Variants in GRIK4 observed in about 807,000 individuals in gnomAD.
GRIK4 encodes glutamate receptor ionotropic, kainate 4.
Under a neutral mutation model 104.9 loss-of-function variants are expected in GRIK4, and 40 were observed. That is an observed-to-expected ratio of 0.38 (90% CI 0.30 to 0.50). GRIK4 has a LOEUF of 0.50. GRIK4 is among the 20% of genes least tolerant of loss of function. The pLI is 0.93. For missense variants in GRIK4, 1,047 were observed against 1,308.1 expected (o/e 0.80, Z 3.08); for synonymous variants, 485 against 524.9 (o/e 0.92, Z 1.04).
intron 1 of GRIK4, among the ~76,000 whole-genome samples, chr11:120,647,754 C>A (rs1370066050): frequency 6.6e-6 from 1 of 152,246 alleles, no homozygotes; most frequent in African/African-American, 2.4e-5. Context: ...ACAGAGGCCA[C>A]CCTGACTTAT....
intron 3 of GRIK4, among the ~76,000 whole-genome samples, chr11:120,764,389 CTT>C (rs1951797514): frequency 6.6e-6 from 1 of 152,276 alleles, no homozygotes; most frequent in Admixed American, 6.5e-5. Context: ...GGTCTTGACT[CTT>C]TATCCAATTT....
intron 16 of GRIK4, 78 bp downstream of exon 16, chr11:120,957,031 C>A: frequency 1.6e-6 from 2 of 1,217,360 alleles, no homozygotes; most frequent in Non-Finnish European, 2.2e-6. Flanking sequence ...CCGGCTCTAG[C>A]TTCTAGAGCC....
intron 3 of GRIK4, among the ~76,000 whole-genome samples, chr11:120,710,813 A>G (rs1355900402): frequency 6.6e-6 from 1 of 152,156 alleles, no homozygotes; most frequent in African/African-American, 2.4e-5. Flanking sequence ...AATGTTAATG[A>G]TTTGTATTAT....
chr11:120,804,472 T>TG (rs1952677473), intron 4 of GRIK4, among the ~76,000 whole-genome samples: 1 of 152,208 alleles, frequency 6.6e-6, no homozygotes, highest in Non-Finnish European at 1.5e-5. Context: ...GCTTCCTTCT[T>TG]GCTCCTGTGG....
intron 3 of GRIK4, among the ~76,000 whole-genome samples, chr11:120,671,614 G>A (rs1180716441): frequency 1.3e-5 from 2 of 152,164 alleles, no homozygotes; most frequent in African/African-American, 2.4e-5. Context: ...GTTCCTTGTA[G>A]ATTCTGGATA....
At chr11:120,531,723 A>G (rs1262512459) in intron 1 of GRIK4, among the ~76,000 whole-genome samples, 3 of 152,090 alleles carry the variant, frequency 2.0e-5, no homozygotes, top group Admixed American at 2.0e-4. Context: ...CTACAGGTGC[A>G]TGTCACCATG....
At chr11:120,681,457 C>T (rs1421612466) in intron 3 of GRIK4, among the ~76,000 whole-genome samples, 1 of 152,200 alleles carries the variant, frequency 6.6e-6, no homozygotes, top group African/African-American at 2.4e-5. Flanking sequence ...AGCCTCCCTC[C>T]TGTCCTTCTC....
chr11:120,745,679 C>G (rs1030913786), intron 3 of GRIK4, among the ~76,000 whole-genome samples: 2 of 152,152 alleles, frequency 1.3e-5, no homozygotes, highest in Admixed American at 6.6e-5. Flanking sequence ...CAACGTTTGT[C>G]CTCTAGGTCG....
At chr11:120,879,591 G>A (rs1021281877) in intron 11 of GRIK4, among the ~76,000 whole-genome samples, 7 of 152,088 alleles carry the variant, frequency 4.6e-5, no homozygotes, top group Non-Finnish European at 7.4e-5. Flanking sequence ...GATTCTGTTC[G>A]GAGAGGGTTT....
chr11:120,923,309 G>A (rs1943263129), intron 13 of GRIK4, among the ~76,000 whole-genome samples: 1 of 152,080 alleles, frequency 6.6e-6, no homozygotes, highest in Non-Finnish European at 1.5e-5. Context: ...ACAAAGGATG[G>A]AGACAAGATG....
chr11:120,796,099 A>G lies in GRIK4; in HGVS notation c.83-6594A>G, dbSNP rs1371994207. Among the ~76,000 whole-genome samples the G allele has an allele frequency of 1.2e-4, 17 of 147,504 alleles. No individual in the cohort carries two copies. The East Asian group carries it at 1.8e-3, about 15-fold the overall frequency. On this transcript the variant is annotated intron_variant, in intron 3 of 20. Transcript: ENST00000527524. ...TGCCAAGGCCGGAGTGCAGTGGCGC[A>G]ATCTCAGCTCACTGCAGGCTCTGCC...
At chr11:120,637,050 G>A (rs1423153505) in intron 1 of GRIK4, among the ~76,000 whole-genome samples, 5 of 152,116 alleles carry the variant, frequency 3.3e-5, no homozygotes, top group Admixed American at 3.3e-4. Context: ...CTCCCCAGAC[G>A]TAGGCATTTG....
intron 3 of GRIK4, among the ~76,000 whole-genome samples, chr11:120,751,574 T>C (rs948655701): frequency 5.3e-5 from 8 of 152,182 alleles, no homozygotes; most frequent in African/African-American, 1.7e-4. Context: ...CTGGGTGGGT[T>C]TGGGGGAAGG....
At chr11:120,708,908 G>A (rs1278983056) in intron 3 of GRIK4, among the ~76,000 whole-genome samples, 1 of 138,802 alleles carries the variant, frequency 7.2e-6, no homozygotes, top group Admixed American at 6.7e-5. Context: ...CAGCAAGCCG[G>A]CTGGCTGCTT....
chr11:120,863,792 G>A (rs1954322375), intron 9 of GRIK4, among the ~76,000 whole-genome samples: 1 of 152,210 alleles, frequency 6.6e-6, no homozygotes, highest in South Asian at 2.1e-4. Context: ...CGGAAGCCAG[G>A]GCCTGGACTT....
At chr11:120,624,237 C>T (rs1949225997) in intron 1 of GRIK4, among the ~76,000 whole-genome samples, 2 of 152,156 alleles carry the variant, frequency 1.3e-5, no homozygotes, top group South Asian at 4.1e-4. Flanking sequence ...CTTGAGGTCC[C>T]CTTGGGGTTT....
intron 1 of GRIK4, among the ~76,000 whole-genome samples, chr11:120,604,171 CAAAAAAA>C (rs59469495): frequency 1.9e-5 from 1 of 51,780 alleles, no homozygotes; most frequent in African/African-American, 8.1e-5. Context: ...GACTCCTTCT[CAAAAAAA>C]AAAAAAAAAA....
intron 1 of GRIK4, among the ~76,000 whole-genome samples, chr11:120,573,727 T>G (rs1948435561): frequency 6.6e-6 from 1 of 152,110 alleles, no homozygotes; most frequent in African/African-American, 2.4e-5. Flanking sequence ...GGTCCTGGCT[T>G]CTGTAGACAG....
chr11:120,890,885 C>T (rs147869118), intron 11 of GRIK4, among the ~76,000 whole-genome samples: 15 of 152,270 alleles, frequency 9.9e-5, no homozygotes, highest in Middle Eastern at 3.4e-3. Context: ...CTTGGGGTTA[C>T]GGTGGCCTCC....
Sources: gnomAD v4.1 joint callset for allele counts (sites outside exome capture counted in the v4.1 genomes callset) on GRCh38, gnomAD v4.1.1 for gene constraint, MANE v1.5 for transcripts, NCBI Gene and HGNC (gene_info 2026-07-23, HGNC 2026-07-21) for gene names.